The following SFTPB variants were observed in gnomAD, a reference collection of about 807,000 sequenced individuals.
SFTPB encodes the protein pulmonary surfactant-associated protein B.
SFTPB carries 32 observed loss-of-function variants against 51.0 expected under a neutral mutation model. The ratio of observed to expected loss-of-function variants is 0.63; its 90% CI spans 0.47 to 0.84. SFTPB has a LOEUF of 0.84. Ranked by LOEUF, SFTPB falls within the 40% of genes least tolerant of loss-of-function variation. The pLI, the probability that SFTPB is intolerant of heterozygous loss-of-function variation, is 0.00. For synonymous variants in SFTPB, 211 were observed against 208.5 expected, an observed-to-expected ratio of 1.01 and a Z score of -0.10; for missense variants, 431 against 491.2, an observed-to-expected ratio of 0.88 and a Z score of 1.16.
chr2:85,668,173 G>A lies in SFTPB; in HGVS notation c.11C>T (p.Ser4Leu), dbSNP rs1359858876. Residue 4 changes from serine (S) to leucine (L), a missense_variant, in exon 1 of 11, where the codon TCA becomes TTA. Transcript: ENST00000519937. ...CAGCAGCAGCCACTGCAGCAGGTGT[G>A]ACTCAGCCATGGCACCTCTGCAGCC... MAE[S>L]HLLQWLLLLL... The A allele has an allele frequency of 6.4e-7, 1 of 1,551,412 alleles. No homozygotes were observed. The highest frequency in any genetic ancestry group is 1.4e-5 in the African/African-American group (1 of 73,048).
upstream of SFTPB, chr2:85,668,540 C>T (rs945444711): frequency 1.6e-4 from 53 of 341,418 alleles, no homozygotes; most frequent in Middle Eastern, 8.5e-4. Flanking sequence ...CTGGGTGTTC[C>T]CCTCCCATCC....
At position 85,661,521 on chromosome 2, in the gene SFTPB, A is replaced by T; in HGVS notation, c.1098T>A (p.Cys366Ter). The T allele has an allele frequency of 1.9e-6, 3 of 1,611,478 alleles. No homozygotes were observed. Among genetic ancestry groups the T allele is most frequent in the Non-Finnish European group, 2.5e-6 (3 of 1,179,024 alleles). ...ACTGGAGAGGGCTGGACATGGTCCC[A>T]CACACCCCGAGGGCCTGTCACAGGG... is the stretch of plus-strand genomic sequence containing the variant. ...AHTTCQALGVCGTMSSPLQCI... is the reference protein window; with the variant it reads ...AHTTCQALGV Residue 366 changes from cysteine to a stop codon, truncating the protein, a stop_gained, in exon 10 of 11, where the codon TGT (cysteine) becomes TGA (stop). Coordinates refer to ENST00000519937, the MANE Select transcript of SFTPB (RefSeq NM_000542.5). LOFTEE classifies it high-confidence loss of function.
At position 85,657,320 on chromosome 2, in the gene SFTPB, C is replaced by G; in HGVS notation, c.*2382G>C. On this transcript the variant is annotated 3_prime_UTR_variant, in exon 11 of 11. Coordinates refer to ENST00000519937, the MANE Select transcript of SFTPB (RefSeq NM_000542.5). ...TTCAAACATTGGCTCTTCATTGTCT[C>G]AATCAAACTTTTTTGTTTTTATTTT... 1 of 152,200 alleles carries G rather than the reference C, an allele frequency of 6.6e-6. No homozygotes were observed. The allele number at this position is 152,200 out of a possible 1,614,324, so 9.4% of individuals were successfully genotyped here.
rs1379253212 is a variant in SFTPB, at chr2:85,657,469, G to T, written c.*2233C>A. 6.6e-6 allele frequency: 1 copy of T among 152,180 alleles called. No homozygotes were observed. The highest frequency in any genetic ancestry group is 1.5e-5 in the Non-Finnish European group (1 of 68,032). 9.4% of individuals were successfully genotyped at this position (152,180 alleles called of 1,614,324 possible). ...CTTAAAATCCAGGAGCCAATGAATTGTGTGTCTCATCCCCAGGCCCAAGAG... is the reference window on the plus strand; with the variant it reads ...CTTAAAATCCAGGAGCCAATGAATTTTGTGTCTCATCCCCAGGCCCAAGAG... On this transcript the variant is annotated 3_prime_UTR_variant, in exon 11 of 11. Transcript: ENST00000519937.
Position 85,661,459 on chromosome 2 carries a change from C to G in SFTPB, c.*14G>C, listed in dbSNP as rs1325861317. ...AACTGGGGGCCTGGACTCACCTGGA[C>G]AGCTGAGTTCTCATCAAAGGTCGGG... On this transcript the variant is annotated 3_prime_UTR_variant, in exon 10 of 11. Coordinates refer to ENST00000519937, the MANE Select transcript of SFTPB (RefSeq NM_000542.5). The G allele has an allele frequency of 1.2e-6, 2 of 1,607,866 alleles. No homozygotes were observed. The highest frequency in any genetic ancestry group is 2.7e-5 in the African/African-American group (2 of 74,822).
intron 5 of SFTPB, 101 bp downstream of exon 5, chr2:85,665,505 C>A: frequency 6.7e-7 from 1 of 1,483,212 alleles, no homozygotes; most frequent in Non-Finnish European, 9.4e-7. Context: ...TTCCTATCAC[C>A]TTCCCGGCTC....
Position 85,662,121 on chromosome 2 carries a change from GAC to G in SFTPB, c.1003-14_1003-13del, listed in dbSNP as rs748445844. The G allele has an allele frequency of 2.7e-4, 435 of 1,595,866 alleles. No individual in the cohort carries two copies. The highest frequency in any genetic ancestry group is 3.3e-4 in the Middle Eastern group (2 of 6,036). On this transcript the variant is annotated splice_polypyrimidine_tract_variant and intron_variant, in intron 8 of 10. Transcript: ENST00000519937. Reference sequence around the variant, plus strand: ...ACAAATTGCTTGCACTGAGGAAGGAGACACACAGCTGTGGAGGGTCCCTTTGC... The same window carrying G: ...ACAAATTGCTTGCACTGAGGAAGGAGACACAGCTGTGGAGGGTCCCTTTGC...
Position 85,665,597 on chromosome 2 carries a change from C to T in SFTPB, c.582+9G>A, listed in dbSNP as rs927636207. On this transcript the variant is annotated intron_variant, in intron 5 of 10. Transcript: ENST00000519937. ...TCTCCACTTTACTGGCTGTGGGGGC[C>T]TCCCTCACCTGTGTGTGAGGCCCAG... is the stretch of plus-strand genomic sequence containing the variant. 4.3e-6 allele frequency: 7 copies of T among 1,612,920 alleles called. No homozygotes were observed. The highest frequency in any genetic ancestry group is 1.1e-5 in the South Asian group (1 of 91,030).
intron 2 of SFTPB, 49 bp from the exon 3 acceptor site, chr2:85,667,226 TC>T: frequency 7.2e-7 from 1 of 1,397,026 alleles, no homozygotes; most frequent in Non-Finnish European, 1.0e-6. Context: ...TGGGGGAGGC[TC>T]CCAGCTCCAA....
intron 7 of SFTPB, 36 bp downstream of exon 7, chr2:85,663,628 G>A (rs368296272): frequency 3.1e-6 from 5 of 1,598,232 alleles, no homozygotes; most frequent in Non-Finnish European, 4.3e-6. Flanking sequence ...GAGGAGGAGA[G>A]CAGGCATTGG....
chr2:85,661,978 G>C, intron 9 of SFTPB, 51 bp downstream of exon 9: 1 of 1,539,626 alleles, frequency 6.5e-7, no homozygotes, highest in African/African-American at 1.4e-5. Flanking sequence ...AAGGGTGGGG[G>C]CTCTGGGAGC....
intron 3 of SFTPB, 23 bp from the exon 4 acceptor site, chr2:85,666,765 C>G: frequency 6.2e-7 from 1 of 1,613,504 alleles, no homozygotes; most frequent in Non-Finnish European, 8.5e-7. Flanking sequence ...AGGGGGCCGT[C>G]AGCTGGGCCT....
intron 3 of SFTPB, 123 bp from the exon 4 acceptor site, chr2:85,666,865 G>A: frequency 1.5e-6 from 2 of 1,314,688 alleles, no homozygotes; most frequent in East Asian, 2.3e-5. Flanking sequence ...GAGTTCACGA[G>A]TGCCAAGGAG....
chr2:85,665,861 C>A, intron 4 of SFTPB, 67 bp from the exon 5 acceptor site: 1 of 1,506,490 alleles, frequency 6.6e-7, no homozygotes, highest in South Asian at 1.1e-5. Context: ...TCAGGCCGGC[C>A]CAAGGGCTCA....
rs1270553539 is a variant in SFTPB at position 85,667,794 on chromosome 2, G to A, written c.80C>T (p.Thr27Ile). 2 of 1,614,280 alleles carry A rather than the reference G, an allele frequency of 1.2e-6. No homozygotes were observed. Among genetic ancestry groups the A allele is most frequent in the Non-Finnish European group, 8.5e-7 (1 of 1,180,054 alleles). Residue 27 changes from threonine to isoleucine, a missense_variant, in exon 2 of 11, where the codon ACC (threonine) becomes ATC (isoleucine). By Grantham distance (89) the Thr-to-Ile change is moderately conservative. Coordinates refer to ENST00000519937, the MANE Select transcript of SFTPB (RefSeq NM_000542.5). ...LCGPGTAAWT[T>I]SSLACAQGPE... is the part of the protein sequence containing the mutation. ...GCCCTGGGCACAGGCCAAGGATGAG[G>A]TGGTCCAGGCAGCTGTGGTTTGGGG...
chr2:85,658,441 G>A lies in SFTPB; in HGVS notation c.*1261C>T, dbSNP rs892423414. 6.6e-6 allele frequency: 1 copy of A among 152,260 alleles called. No homozygotes were observed. Among genetic ancestry groups the A allele is most frequent in the African/African-American group, 2.4e-5 (1 of 41,434 alleles). The allele number at this position is 152,260 out of a possible 1,614,324, so 9.4% of individuals were successfully genotyped here. A position where few individuals can be genotyped will look rare whatever the true frequency, so the allele number is the denominator to read the frequency against. On this transcript the variant is annotated 3_prime_UTR_variant, in exon 11 of 11. Transcript: ENST00000519937. ...ACGTCTGCTTCTCTGCCAAGGGAGA[G>A]AGTGAGGTAGGCCTGGGCCCGCTGA... is the stretch of plus-strand genomic sequence containing the variant.
chr2:85,660,622 A>T (rs13411897), intron 10 of SFTPB, among the ~76,000 whole-genome samples: 53 of 150,002 alleles, frequency 3.5e-4, no homozygotes, highest in Admixed American at 6.0e-4. Context: ...GCTAATTTTT[A>T]AAAAATATTT....
At chr2:85,666,295 CTGTG>C (rs372858195) in intron 4 of SFTPB, among the ~76,000 whole-genome samples, 1 of 106,616 alleles carries the variant, frequency 9.4e-6, no homozygotes, top group African/African-American at 3.4e-5. Context: ...GGATGGAGTG[CTGTG>C]TGTGTGTGTG....
chr2:85,665,618 C>A lies in SFTPB; in HGVS notation c.570G>T (p.Gly190=), dbSNP rs141123597. The A allele has an allele frequency of 2.5e-6, 4 of 1,613,706 alleles. No homozygotes were observed. The highest frequency in any genetic ancestry group is 1.1e-5 in the South Asian group (1 of 91,046). Residue 190 remains glycine (G), a synonymous_variant, in exon 5 of 11, where the codon GGG becomes GGT. Coordinates refer to ENST00000519937, the MANE Select transcript of SFTPB (RefSeq NM_000542.5). ...GGGCCTCCCTCACCTGTGTGTGAGG[C>A]CCAGGCCTCGCCTGGAGGGCCCCGG... ...VLPGALQARP[G]PHTQDLSEQQ...
Sources: allele counts gnomAD v4.1 joint callset (sites outside exome capture counted in the v4.1 genomes callset), GRCh38; gene constraint gnomAD v4.1.1; transcripts MANE v1.5; gene names NCBI Gene and HGNC (gene_info 2026-07-23, HGNC 2026-07-21).